The following PIK3R6 variants were observed in gnomAD, a reference collection of about 807,000 sequenced individuals.
The protein encoded by PIK3R6 is phosphoinositide 3-kinase regulatory subunit 6.
PIK3R6 carries 91 observed loss-of-function variants against 84.9 expected under a neutral mutation model. That is an observed-to-expected ratio of 1.07 (90% CI 0.90 to 1.28). The LOEUF (loss-of-function observed/expected upper bound fraction) is 1.28. Among genes scored for constraint, PIK3R6 ranks in the 50% most tolerant of loss-of-function variants. The pLI is 0.00. For missense variants in PIK3R6, 996 were observed against 985.1 expected (o/e 1.01, Z -0.15); for synonymous variants, 416 against 411.4 (o/e 1.01, Z -0.13).
At chr17:8,822,789 C>T (rs2087784135) in intron 15 of PIK3R6, 132 bp from the exon 16 acceptor site, 1 of 1,053,396 alleles carries the variant, frequency 9.5e-7, no homozygotes, top group East Asian at 2.6e-5. Flanking sequence ...GGAAAGGTGA[C>T]ACCTCCGGGG....
In PIK3R6 at chr17:8,803,428, A is replaced by G. The variant is rs2087101765; in HGVS notation, c.2110T>C (p.Phe704Leu). The G allele has an allele frequency of 1.2e-6, 2 of 1,600,900 alleles. No individual in the cohort carries two copies. Among genetic ancestry groups the G allele is most frequent in the Non-Finnish European group, 1.7e-6 (2 of 1,173,898 alleles). ...DQRTFRDVVR[F>L]EVAPCPEPCS... ...GGTTCTGGGCAGGGAGCAACCTCGA[A>G]TCTGTGGGTGGAGAGAGACCAGCTC... The change falls in exon 20 of 20, where the codon TTC becomes CTC. Residue 704 changes from phenylalanine to leucine, a missense_variant and splice_region_variant. Physicochemically the swap from Phe to Leu is conservative, Grantham distance 22 (BLOSUM62 0). Transcript: ENST00000619866. This position sits in a 1 kb window ranked among gnomAD's most constrained non-coding sequence, Gnocchi z 5.0.
At chr17:8,828,506 C>T (rs982832754) in intron 11 of PIK3R6, 61 bp downstream of exon 11, 9 of 1,565,852 alleles carry the variant, frequency 5.7e-6, no homozygotes, top group Admixed American at 1.8e-5. Context: ...CACCAGCCCA[C>T]GCCAGGCCCA....
intron 18 of PIK3R6, among the ~76,000 whole-genome samples, chr17:8,810,253 T>C (rs1223886123): frequency 6.8e-6 from 1 of 147,684 alleles, no homozygotes; most frequent in Non-Finnish European, 1.5e-5. Context: ...TCAGATGTCA[T>C]GAGACTTACC....
At chr17:8,826,979 C>T (rs918539493) in intron 13 of PIK3R6, among the ~76,000 whole-genome samples, 193 bp downstream of exon 13, 1 of 151,928 alleles carries the variant, frequency 6.6e-6, no homozygotes, top group Non-Finnish European at 1.5e-5. Context: ...TGGTTAGGGC[C>T]CCTGTCTTGA....
At chr17:8,847,270 TC>T (rs1277061293) in intron 2 of PIK3R6, among the ~76,000 whole-genome samples, 1 of 151,992 alleles carries the variant, frequency 6.6e-6, no homozygotes, top group Non-Finnish European at 1.5e-5. Context: ...CAGATGCACC[TC>T]CTCCAGCCTA....
intron 1 of PIK3R6, among the ~76,000 whole-genome samples, chr17:8,863,387 T>C (rs1473376743): frequency 6.6e-6 from 1 of 152,162 alleles, no homozygotes; most frequent in Non-Finnish European, 1.5e-5. Context: ...ATTTACTCTC[T>C]TAGTAATTGT....
chr17:8,844,525 A>C lies in PIK3R6; in HGVS notation c.14-4828T>G, dbSNP rs75949465. On this transcript the variant is annotated intron_variant, in intron 2 of 19. Coordinates refer to ENST00000619866, the MANE Select transcript of PIK3R6 (RefSeq NM_001010855.4). The surrounding 1 kb of genome is among the most constrained non-coding windows in gnomAD (Gnocchi z 4.5). ...TGATGACTCGAATAGTCAATAGATAAATGGCATCCATTATTATTATCCTCC... is the reference window on the plus strand; with the variant it reads ...TGATGACTCGAATAGTCAATAGATACATGGCATCCATTATTATTATCCTCC... Among the ~76,000 whole-genome samples the C allele has an allele frequency of 0.039, 5,988 of 152,230 alleles. 364 individuals carry two copies. Among genetic ancestry groups the C allele is most frequent in the East Asian group, 0.27 (1,413 of 5,188 alleles).
At position 8,821,924 on chromosome 17, in the gene PIK3R6, G is replaced by A. The variant is rs1056897030; in HGVS notation, c.1801C>T (p.His601Tyr). 1.3e-6 allele frequency: 2 copies of A among 1,582,080 alleles called. No individual in the cohort carries two copies. Among genetic ancestry groups the A allele is most frequent in the Non-Finnish European group, 8.6e-7 (1 of 1,163,656 alleles). Residue 601 changes from histidine (H) to tyrosine (Y), a missense_variant, in exon 17 of 20, where the codon CAC (histidine) becomes TAC (tyrosine). Coordinates refer to ENST00000619866, the MANE Select transcript of PIK3R6 (RefSeq NM_001010855.4). ...GAAACGGTGACCTCTCGGGGCCGGTGGCTAAGCAAGGCCTGAGGAGGGGGA... is the reference window on the plus strand; with the variant it reads ...GAAACGGTGACCTCTCGGGGCCGGTAGCTAAGCAAGGCCTGAGGAGGGGGA... ...SLCYQKALLS[H>Y]RPREVTVSLR... is the part of the protein sequence containing the mutation.
At chr17:8,836,708 C>T in intron 6 of PIK3R6, 83 bp downstream of exon 6, 1 of 1,611,116 alleles carries the variant, frequency 6.2e-7, no homozygotes, top group South Asian at 1.1e-5. Context: ...TTTTGAGCTC[C>T]CCGGTATCCT....
intron 1 of PIK3R6, among the ~76,000 whole-genome samples, chr17:8,851,687 G>A (rs1017668587): frequency 1.3e-5 from 2 of 152,192 alleles, no homozygotes; most frequent in African/African-American, 2.4e-5. Context: ...CATCGCCGCT[G>A]TGGAAAATCG....
chr17:8,845,783 C>A (rs2088801426), intron 2 of PIK3R6, among the ~76,000 whole-genome samples: 1 of 152,002 alleles, frequency 6.6e-6, no homozygotes, highest in African/African-American at 2.4e-5. Context: ...CCTGTCTCTA[C>A]TAAAAATACA....
chr17:8,867,013 A>G (rs2089428020), intron 1 of PIK3R6, among the ~76,000 whole-genome samples: 1 of 152,210 alleles, frequency 6.6e-6, no homozygotes, highest in Non-Finnish European at 1.5e-5. Context: ...ATGATGTCCC[A>G]GAAAGGGCAC....
chr17:8,835,420 C>T lies in PIK3R6; in HGVS notation c.498G>A (p.Ala166=), dbSNP rs1241610853. 2.2e-5 allele frequency: 35 copies of T among 1,594,816 alleles called. No individual in the cohort carries two copies. Among genetic ancestry groups the T allele is most frequent in the Middle Eastern group, 1.7e-4 (1 of 5,982 alleles). ...FLFVDPELVS[A]SVCSALLLEI... ...CCAGTAGCAGAGCACTGCACACAGA[C>T]GCAGACACCAGCTCAGGATCCACGA... The change falls in exon 8 of 20, where the codon GCG becomes GCA. Residue 166 remains alanine, a synonymous_variant. Coordinates refer to ENST00000619866, the MANE Select transcript of PIK3R6 (RefSeq NM_001010855.4).
In PIK3R6 at chr17:8,838,734, C is replaced by T. The variant is rs2088569310; in HGVS notation, c.98-79G>A. ...AGACCCCTCTGAGCAGGACCCTGAG[C>T]CCTGGAGCCTCAGCTGCAGCTCTGA... On this transcript the variant is annotated intron_variant, in intron 3 of 19. Transcript: ENST00000619866. 22 of 1,364,282 alleles carry T rather than the reference C, an allele frequency of 1.6e-5. No homozygotes were observed. The East Asian group carries it at 5.3e-4, about 33-fold the overall frequency. The allele number at this position is 1,364,282 out of a possible 1,614,324, so 84.5% of individuals were successfully genotyped here.
rs141401513 is a variant in PIK3R6 at position 8,866,491 on chromosome 17, G to A, written c.-92+1038C>T. On this transcript the variant is annotated intron_variant, in intron 1 of 19. Coordinates refer to ENST00000619866, the MANE Select transcript of PIK3R6 (RefSeq NM_001010855.4). Reference sequence around the variant, plus strand: ...CAGGAGACGGAGGTTGCAGTGAGCCGAGATCGCACCACTACACTCCAGCCT... The same window carrying A: ...CAGGAGACGGAGGTTGCAGTGAGCCAAGATCGCACCACTACACTCCAGCCT... Among the ~76,000 whole-genome samples the A allele has an allele frequency of 7.8e-3, 1,190 of 152,196 alleles. 14 individuals are homozygous for A. Among genetic ancestry groups the A allele is most frequent in the African/African-American group, 0.027 (1,132 of 41,520 alleles).
chr17:8,809,445 A>G (rs2087291730), intron 18 of PIK3R6, among the ~76,000 whole-genome samples: 1 of 152,202 alleles, frequency 6.6e-6, no homozygotes, highest in African/African-American at 2.4e-5. Flanking sequence ...TCACATATCA[A>G]TACTAACCTT....
chr17:8,822,670 G>A lies in PIK3R6; in HGVS notation c.1718-13C>T. On this transcript the variant is annotated splice_polypyrimidine_tract_variant and intron_variant, in intron 15 of 19. Coordinates refer to ENST00000619866, the MANE Select transcript of PIK3R6 (RefSeq NM_001010855.4). ...GGTGAAAAGCCATCTGTGGGGAGAT[G>A]AGAAGAGGCTTGGGGTGGAGGTTCC... 1 of 1,613,728 alleles carries A rather than the reference G, an allele frequency of 6.2e-7. No individual in the cohort carries two copies. Among genetic ancestry groups the A allele is most frequent in the Non-Finnish European group, 8.5e-7 (1 of 1,179,740 alleles).
Position 8,822,992 on chromosome 17 carries a change from T to C in PIK3R6, c.1717+4A>G, listed in dbSNP as rs2087792120. ...CCTTTGGCAAAAGGGAGGCAGATGC[T>C]TACCTTTGGGGAATTTAGAATCTTG... On this transcript the variant is annotated splice_donor_region_variant and intron_variant, in intron 15 of 19. Coordinates refer to ENST00000619866, the MANE Select transcript of PIK3R6 (RefSeq NM_001010855.4). The C allele has an allele frequency of 6.3e-7, 1 of 1,592,470 alleles. No homozygotes were observed. The highest frequency in any genetic ancestry group is 1.3e-5 in the African/African-American group (1 of 74,360).
chr17:8,820,727 C>T (rs546079375), intron 17 of PIK3R6, among the ~76,000 whole-genome samples: 106 of 152,300 alleles, frequency 7.0e-4, no homozygotes, highest in African/African-American at 2.5e-3. Flanking sequence ...GTGCCAGATG[C>T]TAAGGAAATT....
Sources: gnomAD v4.1 joint callset for allele counts (sites outside exome capture counted in the v4.1 genomes callset) on GRCh38, gnomAD v4.1.1 for gene constraint, Gnocchi (gnomAD v3.1) non-coding constraint, MANE v1.5 for transcripts, NCBI Gene and HGNC (gene_info 2026-07-23, HGNC 2026-07-21) for gene names.